Variants in APP observed in about 807,000 individuals in gnomAD.
APP encodes the protein amyloid-beta precursor protein.
Under a neutral mutation model 101.4 loss-of-function variants are expected in APP, and 31 were observed. The observed-to-expected ratio is 0.31, with a 90% CI of 0.23 to 0.41. The LOEUF (loss-of-function observed/expected upper bound fraction) is 0.41, where lower values mean the gene tolerates loss of function less well. APP is among the 10% of genes least tolerant of loss of function. The probability of loss-of-function intolerance (pLI) is 1.00; values close to 1 mark genes in which losing one functional copy is unlikely to be tolerated. For missense variants in APP, 839 were observed against 1,003.7 expected (o/e 0.84, Z 2.22); for synonymous variants, 366 against 364.4 (o/e 1.00, Z -0.05).
chr21:26,031,599 A>T (rs1041598644), intron 5 of APP, among the ~76,000 whole-genome samples: 7 of 152,142 alleles, frequency 4.6e-5, no homozygotes, highest in African/African-American at 1.7e-4. Flanking sequence ...AATGAGGAAG[A>T]AGCAAAAGCA....
At chr21:25,970,421 G>A (rs763957384) in intron 11 of APP, among the ~76,000 whole-genome samples, 2 of 152,182 alleles carry the variant, frequency 1.3e-5, no homozygotes, top group Non-Finnish European at 1.5e-5. Flanking sequence ...CAGCTGGAAC[G>A]CTTCACAAGT....
intron 11 of APP, among the ~76,000 whole-genome samples, chr21:25,967,203 AT>A (rs1003613568): frequency 8.0e-5 from 12 of 150,120 alleles, no homozygotes; most frequent in African/African-American, 1.7e-4. Flanking sequence ...AACTGCCAAC[AT>A]TTTTTTTTTG....
chr21:26,140,477 ATCAATTT>A, intron 1 of APP: 1 of 767,254 alleles, frequency 1.3e-6, no homozygotes. Context: ...GGTAGAGTAA[ATCAATTT>A]CCTTTTGTAG....
chr21:26,129,509 A>G (rs898814792), intron 1 of APP, among the ~76,000 whole-genome samples: 4 of 152,126 alleles, frequency 2.6e-5, no homozygotes, highest in African/African-American at 9.7e-5. Flanking sequence ...CTTTTAAACT[A>G]TACAGGTGAA....
At chr21:26,046,329 G>C (rs2045607580) in intron 5 of APP, among the ~76,000 whole-genome samples, 1 of 151,324 alleles carries the variant, frequency 6.6e-6, no homozygotes, top group Admixed American at 6.6e-5. Context: ...AGAATCGTTT[G>C]AACCCAGGAG....
intron 11 of APP, among the ~76,000 whole-genome samples, chr21:25,956,980 TTATTTG>T (rs1766983566): frequency 1.3e-5 from 2 of 152,242 alleles, no homozygotes; most frequent in African/African-American, 4.8e-5. Flanking sequence ...TCTTTTTTCT[TTATTTG>T]GAACCCCAAT....
chr21:26,008,220 T>TA (rs1297685924), intron 6 of APP, among the ~76,000 whole-genome samples: 1 of 152,220 alleles, frequency 6.6e-6, no homozygotes, highest in African/African-American at 2.4e-5. Flanking sequence ...AGATTGTTTA[T>TA]AAAATGCCAC....
intron 13 of APP, among the ~76,000 whole-genome samples, chr21:25,946,666 C>CAAAAATAAAAATAAAAAT (rs71183535): frequency 2.7e-5 from 4 of 149,320 alleles, no homozygotes; most frequent in African/African-American, 1.0e-4. Flanking sequence ...ACTCTGTCTC[C>CAAAAATAAAAATAAAAAT]AAAAATAAAA....
At chr21:25,924,411 C>CAAAAAAAAAAAAAAAAAAA (rs551284093) in intron 13 of APP, among the ~76,000 whole-genome samples, 8 of 56,838 alleles carry the variant, frequency 1.4e-4, no homozygotes, top group Admixed American at 3.4e-4. Context: ...TTTGCAAATA[C>CAAAAAAAAAAAAAAAAAAA]AAAAAAAAAA....
At position 25,911,763 on chromosome 21, in the gene APP, C is replaced by T. The variant is rs2039082896; in HGVS notation, c.1887G>A (p.Val629=). The T allele has an allele frequency of 6.2e-7, 1 of 1,614,124 alleles. No individual in the cohort carries two copies. The highest frequency in any genetic ancestry group is 8.5e-7 in the Non-Finnish European group (1 of 1,180,032). ...QPWHSFGADS[V]PANTENEVEP... Reference sequence around the variant, plus strand: ...TACCTTCGTTTTCTGTGTTGGCTGGCACAGAGTCAGCCCCAAAAGAATGCC... The same window carrying T: ...TACCTTCGTTTTCTGTGTTGGCTGGTACAGAGTCAGCCCCAAAAGAATGCC... The change falls in exon 14 of 18, where the codon GTG becomes GTA. Residue 629 remains valine (V), a synonymous_variant. Coordinates refer to ENST00000346798, the MANE Select transcript of APP (RefSeq NM_000484.4).
intron 3 of APP, among the ~76,000 whole-genome samples, chr21:26,060,907 G>T (rs2046242245): frequency 6.6e-6 from 1 of 152,198 alleles, no homozygotes; most frequent in Non-Finnish European, 1.5e-5. Flanking sequence ...GCCAGGACAG[G>T]ACAGGGACAG....
chr21:25,948,259 T>C (rs1302064116), intron 13 of APP, among the ~76,000 whole-genome samples: 1 of 151,892 alleles, frequency 6.6e-6, no homozygotes, highest in Non-Finnish European at 1.5e-5. Context: ...GGCTGGGAAG[T>C]GCTATAAATA....
At chr21:25,966,200 G>A (rs181624782) in intron 11 of APP, among the ~76,000 whole-genome samples, 1 of 152,308 alleles carries the variant, frequency 6.6e-6, no homozygotes, top group African/African-American at 2.4e-5. Context: ...TAATAGTACT[G>A]AGTGGCTTTA....
chr21:26,119,452 A>G (rs1940588346), intron 1 of APP, among the ~76,000 whole-genome samples: 4 of 152,194 alleles, frequency 2.6e-5, no homozygotes, highest in Admixed American at 2.0e-4. Flanking sequence ...TGCAAACACA[A>G]ATTTCTCCAA....
rs148194229 is a variant in APP, at chr21:25,951,360, G to A, written c.1687+3230C>T. On this transcript the variant is annotated intron_variant, in intron 13 of 17. Transcript: ENST00000346798. The stretch of plus-strand genomic sequence containing the variant: ...CACTAAAGATACTGGCAGTTCCCCA[G>A]ACTGGTGAAAACCTCTTATCCATAA... Among the ~76,000 whole-genome samples the A allele has an allele frequency of 7.9e-5, 12 of 152,266 alleles. No individual in the cohort carries two copies. The East Asian group carries it at 2.1e-3, about 27-fold the overall frequency.
At chr21:26,158,278 C>A (rs2063415098) in intron 1 of APP, 1 of 152,192 alleles carries the variant, frequency 6.6e-6, no homozygotes, top group African/African-American at 2.4e-5. Context: ...GTAAGCAAAT[C>A]CCAAAAGCCT....
chr21:25,939,922 T>A (rs183899117), intron 13 of APP, among the ~76,000 whole-genome samples: 7 of 152,280 alleles, frequency 4.6e-5, no homozygotes, highest in Admixed American at 2.6e-4. Flanking sequence ...TAGGAGCATC[T>A]CCTTCCTTTT....
chr21:26,053,816 C>T (rs1380413045), intron 3 of APP, among the ~76,000 whole-genome samples: 1 of 152,078 alleles, frequency 6.6e-6, no homozygotes, highest in Non-Finnish European at 1.5e-5. Flanking sequence ...AAGCAAAAAA[C>T]CCAAAAGTGT....
chr21:25,938,438 T>A (rs977154057), intron 13 of APP, among the ~76,000 whole-genome samples: 1 of 152,000 alleles, frequency 6.6e-6, no homozygotes, highest in Admixed American at 6.6e-5. Context: ...TTTTTTTCAA[T>A]GAAAATGACA....
Sources: gnomAD v4.1 joint callset for allele counts (sites outside exome capture counted in the v4.1 genomes callset) on GRCh38, gnomAD v4.1.1 for gene constraint, MANE v1.5 for transcripts, NCBI Gene and HGNC (gene_info 2026-07-23, HGNC 2026-07-21) for gene names.